The following KMT2E variants were observed in gnomAD, a reference collection of about 807,000 sequenced individuals.
KMT2E encodes histone reader KMT2E.
KMT2E carries 30 observed loss-of-function variants against 184.6 expected under a neutral mutation model. The observed-to-expected ratio is 0.16, with a 90% CI of 0.12 to 0.22. The LOEUF (loss-of-function observed/expected upper bound fraction) is 0.22. Among genes scored for constraint, KMT2E ranks in the 10% least tolerant of loss-of-function variants. The pLI is 1.00. For missense variants in KMT2E, 2,023 were observed against 2,237.4 expected, an observed-to-expected ratio of 0.90 and a Z score of 1.93; for synonymous variants, 815 against 776.5, an observed-to-expected ratio of 1.05 and a Z score of -0.82.
rs769210509 is a variant in KMT2E, at chr7:105,063,500, A to G, written c.336A>G (p.Gly112=). 6 of 1,613,898 alleles carry G rather than the reference A, an allele frequency of 3.7e-6. No homozygotes were observed. The highest frequency in any genetic ancestry group is 5.1e-6 in the Non-Finnish European group (6 of 1,179,868). ...CTACAATCAGCACATCTGAGGATGGAAGTTATGGTACTGATGTAACCAGGT... is the reference window on the plus strand; with the variant it reads ...CTACAATCAGCACATCTGAGGATGGGAGTTATGGTACTGATGTAACCAGGT... The part of the protein sequence containing the change: ...SATTISTSED[G]SYGTDVTRCI... The change falls in exon 5 of 27, where the codon GGA becomes GGG. Residue 112 remains glycine, a synonymous_variant. Transcript: ENST00000311117.
chr7:105,063,000 C>CTTTTTT (rs11336645), intron 4 of KMT2E, among the ~76,000 whole-genome samples: 2 of 140,326 alleles, frequency 1.4e-5, no homozygotes, highest in Non-Finnish European at 3.1e-5. Flanking sequence ...TTTTCTTTTT[C>CTTTTTT]TTTTTTTTTT....
chr7:105,020,022 T>G, intron 1 of KMT2E, among the ~76,000 whole-genome samples: 1 of 150,934 alleles, frequency 6.6e-6, no homozygotes. Flanking sequence ...GCAGGAGAAT[T>G]GCTTGAACCC....
chr7:105,072,573 G>T lies in KMT2E; in HGVS notation c.498-1046G>T, dbSNP rs75829102. Among the ~76,000 whole-genome samples the T allele has an allele frequency of 9.2e-5, 14 of 152,274 alleles. No individual in the cohort carries two copies. In the East Asian group the frequency reaches 2.3e-3, roughly 25 times the overall value. On this transcript the variant is annotated intron_variant, in intron 6 of 26. Transcript: ENST00000311117. ...GAAAAAGTTGGGGGGGAATGTAAAA[G>T]AATTACTATGGATGATGTAGTTCAT...
At position 105,112,389 on chromosome 7, in the gene KMT2E, C is replaced by T. The variant is rs1387847900; in HGVS notation, c.4633C>T (p.Pro1545Ser). ...NQQSLNSTAP[P>S]PPPPPPPSSS... ...ACAAAGTCTGAACAGCACGGCACCA[C>T]CCCCTCCACCTCCTCCACCTCCTTC... The change falls in exon 27 of 27, where the codon CCC (proline) becomes TCC (serine). Residue 1545 changes from proline to serine, a missense_variant. Transcript: ENST00000311117. The T allele has an allele frequency of 1.2e-6, 2 of 1,612,782 alleles. No individual in the cohort carries two copies. Among genetic ancestry groups the T allele is most frequent in the East Asian group, 2.2e-5 (1 of 44,892 alleles).
chr7:105,076,875 TG>T lies in KMT2E; in HGVS notation c.769-87del. ...TTTGTATAGATTGCCGTTAATTTTG[TG>T]TGTGTGTGTGTGTGTGTGTGTGTGT... On this transcript the variant is annotated intron_variant, in intron 9 of 26. Coordinates refer to ENST00000311117, the MANE Select transcript of KMT2E (RefSeq NM_182931.3). The T allele has an allele frequency of 4.1e-4, 6 of 14,796 alleles. No individual in the cohort carries two copies. In the East Asian group the frequency reaches 0.015, roughly 37 times the overall value. The allele number at this position is 14,796 out of a possible 1,614,324, so 0.9% of individuals were successfully genotyped here.
At position 105,107,881 on chromosome 7, in the gene KMT2E, A is replaced by T. The variant is rs1370256652; in HGVS notation, c.3424A>T (p.Ile1142Phe). 6.2e-7 allele frequency: 1 copy of T among 1,613,830 alleles called. No homozygotes were observed. The highest frequency in any genetic ancestry group is 1.1e-5 in the South Asian group (1 of 91,058). ...CGGACGGACTGTTAATGACAATTTG[A>T]TCGACGGGAATTGCACACCCCAGAA... ...GFGRTVNDNL[I>F]DGNCTPQNPP... The change falls in exon 22 of 27, where the codon ATC (isoleucine) becomes TTC (phenylalanine). Residue 1142 changes from isoleucine to phenylalanine, a missense_variant. By Grantham distance (21) the Ile-to-Phe change is conservative. Coordinates refer to ENST00000311117, the MANE Select transcript of KMT2E (RefSeq NM_182931.3).
Position 105,028,115 on chromosome 7 carries a change from C to A in KMT2E, c.-188-10011C>A, listed in dbSNP as rs184696303. On this transcript the variant is annotated intron_variant, in intron 1 of 26. Coordinates refer to ENST00000311117, the MANE Select transcript of KMT2E (RefSeq NM_182931.3). ...CTGTGTCTACATATCGTACTCTGAG[C>A]AAAAAGATAGATATTTTGCTCATTT... Among the ~76,000 whole-genome samples the A allele has an allele frequency of 3.7e-4, 56 of 150,758 alleles. No homozygotes were observed. The East Asian group carries it at 0.011, about 29-fold the overall frequency.
At chr7:105,031,199 A>G (rs1795399334) in intron 1 of KMT2E, among the ~76,000 whole-genome samples, 1 of 151,298 alleles carries the variant, frequency 6.6e-6, no homozygotes. Flanking sequence ...TCTACTAAAA[A>G]CATAAAAAAT....
intron 3 of KMT2E, among the ~76,000 whole-genome samples, chr7:105,043,845 C>T (rs1219819461): frequency 6.6e-6 from 1 of 152,152 alleles, no homozygotes; most frequent in East Asian, 1.9e-4. Flanking sequence ...AATTCCAGTG[C>T]TTTGGGAGGC....
At chr7:105,023,270 C>T (rs866169366) in intron 1 of KMT2E, among the ~76,000 whole-genome samples, 9 of 151,830 alleles carry the variant, frequency 5.9e-5, no homozygotes, top group South Asian at 4.2e-4. Context: ...GGCGTGGTGG[C>T]GGGCCCCTGT....
intron 11 of KMT2E, chr7:105,077,795 A>C (rs1160943707): frequency 1.0e-5 from 2 of 197,412 alleles, no homozygotes; most frequent in East Asian, 2.8e-4. Context: ...ACTCATGATA[A>C]TTCCTCATAA....
intron 1 of KMT2E, among the ~76,000 whole-genome samples, chr7:105,016,997 C>A (rs67739707): frequency 0.19 from 29,026 of 151,820 alleles, 3,551 homozygotes; most frequent in East Asian, 0.58. Context: ...GGGTAGTGGG[C>A]GAAATTTGTG....
At chr7:105,073,009 G>A (rs1170599501) in intron 6 of KMT2E, among the ~76,000 whole-genome samples, 1 of 149,228 alleles carries the variant, frequency 6.7e-6, no homozygotes, top group African/African-American at 2.5e-5. Flanking sequence ...TTTGCTTTAA[G>A]AAATTTAATT....
intron 19 of KMT2E, 25 bp downstream of exon 19, chr7:105,106,028 G>C: frequency 6.3e-7 from 1 of 1,594,358 alleles, no homozygotes; most frequent in Non-Finnish European, 8.5e-7. Flanking sequence ...TCAGAGTTTT[G>C]GTTTGAGAAA....
At chr7:105,063,320 T>C (rs1796898607) in intron 4 of KMT2E, 31 bp from the exon 5 acceptor site, 9 of 1,402,210 alleles carry the variant, frequency 6.4e-6, no homozygotes, top group Non-Finnish European at 7.9e-6. Context: ...AATTAAATAA[T>C]ATTGTGCTAT....
intron 1 of KMT2E, among the ~76,000 whole-genome samples, chr7:105,037,213 G>A (rs1452694152): frequency 6.6e-6 from 1 of 152,104 alleles, no homozygotes; most frequent in Non-Finnish European, 1.5e-5. Context: ...ATAAAGGACA[G>A]AAATATAATA....
chr7:105,064,937 C>T (rs1301510690), intron 5 of KMT2E, among the ~76,000 whole-genome samples: 1 of 152,002 alleles, frequency 6.6e-6, no homozygotes, highest in East Asian at 1.9e-4. Context: ...CAGTGTTCTT[C>T]TTTTGATATA....
At position 105,113,289 on chromosome 7, in the gene KMT2E, C is replaced by A. The variant is rs773339010; in HGVS notation, c.5533C>A (p.Pro1845Thr). The change falls in exon 27 of 27, where the codon CCA becomes ACA. Residue 1845 changes from proline to threonine, a missense_variant. Coordinates refer to ENST00000311117, the MANE Select transcript of KMT2E (RefSeq NM_182931.3). The part of the protein sequence containing the change: ...GQIPIHRAQV[P>T]PTFQNNYHGS... ...GATTCCAATTCACAGAGCACAGGTG[C>A]CACCAACATTTCAAAACAATTACCA... is the stretch of plus-strand genomic sequence containing the variant. 8 of 1,613,530 alleles carry A rather than the reference C, an allele frequency of 5.0e-6. No homozygotes were observed. Among genetic ancestry groups the A allele is most frequent in the Non-Finnish European group, 5.1e-6 (6 of 1,179,512 alleles).
At chr7:105,108,845 A>C in intron 22 of KMT2E, 97 bp from the exon 23 acceptor site, 1 of 1,000,350 alleles carries the variant, frequency 1.0e-6, no homozygotes, top group Non-Finnish European at 1.4e-6. Context: ...TTCCTAATGT[A>C]AATATAGTAA....
Sources: allele counts gnomAD v4.1 joint callset (sites outside exome capture counted in the v4.1 genomes callset), GRCh38; gene constraint gnomAD v4.1.1; transcripts MANE v1.5; gene names NCBI Gene and HGNC (gene_info 2026-07-23, HGNC 2026-07-21).